The following FAM184B variants were observed in gnomAD, a reference collection of about 807,000 sequenced individuals.
The protein encoded by FAM184B is family with sequence similarity 184 member B, also known as protein FAM184B.
FAM184B carries 111 observed loss-of-function variants against 135.9 expected under a neutral mutation model. The observed-to-expected ratio is 0.82, with a 90% CI of 0.70 to 0.96. FAM184B has a LOEUF of 0.96. Among genes scored for constraint, FAM184B ranks in the 40% least tolerant of loss-of-function variants. FAM184B has a pLI of 0.00. For missense variants in FAM184B, 1,375 were observed against 1,323.9 expected, an observed-to-expected ratio of 1.04 and a Z score of -0.60; for synonymous variants, 552 against 524.8, an observed-to-expected ratio of 1.05 and a Z score of -0.71.
chr4:17,739,990 C>A (rs1206260849), intron 1 of FAM184B, among the ~76,000 whole-genome samples: 1 of 152,094 alleles, frequency 6.6e-6, no homozygotes, highest in Non-Finnish European at 1.5e-5. Context: ...AATAAAAAGT[C>A]CCTCCTTGTT....
chr4:17,661,656 G>C (rs549100011), intron 8 of FAM184B, among the ~76,000 whole-genome samples: 1 of 152,318 alleles, frequency 6.6e-6, no homozygotes, highest in South Asian at 2.1e-4. Context: ...TCAAAGGTGT[G>C]CAAAACATAG....
intron 1 of FAM184B, among the ~76,000 whole-genome samples, chr4:17,711,589 G>A (rs896078852): frequency 1.1e-4 from 17 of 152,272 alleles, no homozygotes; most frequent in African/African-American, 3.9e-4. Context: ...CTTGGGCCAG[G>A]GAGATTGAGG....
rs1716644870 is a variant in FAM184B at position 17,688,508 on chromosome 4, G to T, written c.1512C>A (p.Ile504=). 6.5e-7 allele frequency: 1 copy of T among 1,550,260 alleles called. No homozygotes were observed. Among genetic ancestry groups the T allele is most frequent in the Non-Finnish European group, 8.7e-7 (1 of 1,146,700 alleles). ...CTGTGGGGCGTGTCTTATTTTGTTG[G>T]ATAAATTCTTCCAGCCTTAAAACCT... ...LLEVLRLEEF[I]QQNKTRPTGA... is the part of the protein sequence containing the mutation. The change falls in exon 7 of 18, where the codon ATC becomes ATA. Residue 504 remains isoleucine, a synonymous_variant. Coordinates refer to ENST00000265018, the MANE Select transcript of FAM184B (RefSeq NM_015688.2).
chr4:17,758,558 G>A (rs1464031234), intron 1 of FAM184B, among the ~76,000 whole-genome samples: 1 of 152,110 alleles, frequency 6.6e-6, no homozygotes, highest in Non-Finnish European at 1.5e-5. Flanking sequence ...TTTTTCCAAG[G>A]CAAGAGGAAG....
At chr4:17,698,994 A>ATGTATTCAATTTTTTATACATTTTATT (rs1716925577) in intron 5 of FAM184B, among the ~76,000 whole-genome samples, 1 of 152,136 alleles carries the variant, frequency 6.6e-6, no homozygotes, top group East Asian at 1.9e-4. Flanking sequence ...ACAATGTTAA[A>ATGTATTCAATTTTTTATACATTTTATT]GGAACATTTA....
chr4:17,732,098 C>A (rs1315397016), intron 1 of FAM184B, among the ~76,000 whole-genome samples: 1 of 152,026 alleles, frequency 6.6e-6, no homozygotes, highest in South Asian at 2.1e-4. Flanking sequence ...GGGTACATAA[C>A]GAAATGAAGG....
At chr4:17,747,684 G>A (rs1718196394) in intron 1 of FAM184B, among the ~76,000 whole-genome samples, 1 of 151,934 alleles carries the variant, frequency 6.6e-6, no homozygotes, top group South Asian at 2.1e-4. Flanking sequence ...CACTTTGGGA[G>A]GCCGAGGCGG....
intron 1 of FAM184B, among the ~76,000 whole-genome samples, chr4:17,725,658 A>G (rs759585440): frequency 1.3e-5 from 2 of 152,164 alleles, no homozygotes; most frequent in African/African-American, 4.8e-5. Context: ...ACTAATGGTG[A>G]CAGTCTCCCT....
intron 7 of FAM184B, among the ~76,000 whole-genome samples, chr4:17,685,634 C>G (rs148448170): frequency 6.7e-6 from 1 of 149,162 alleles, no homozygotes; most frequent in Admixed American, 6.7e-5. Context: ...CACTTGTATT[C>G]TGGACTTCTT....
intron 1 of FAM184B, among the ~76,000 whole-genome samples, chr4:17,746,194 G>C (rs965579455): frequency 4.6e-5 from 7 of 151,700 alleles, no homozygotes; most frequent in African/African-American, 1.7e-4. Flanking sequence ...CCTGACCCCA[G>C]GTGATCCGCC....
chr4:17,752,855 G>A (rs1718332753), intron 1 of FAM184B, among the ~76,000 whole-genome samples: 1 of 152,196 alleles, frequency 6.6e-6, no homozygotes, highest in African/African-American at 2.4e-5. Flanking sequence ...AAAATTAGCA[G>A]AACACCAGAG....
At position 17,709,273 on chromosome 4, in the gene FAM184B, G is replaced by T. The variant is rs1202239900; in HGVS notation, c.513C>A (p.Thr171=). 2 of 1,548,288 alleles carry T rather than the reference G, an allele frequency of 1.3e-6. No individual in the cohort carries two copies. The highest frequency in any genetic ancestry group is 2.0e-5 in the Admixed American group (1 of 50,816). The change falls in exon 2 of 18, where the codon ACC becomes ACA. Residue 171 remains threonine (T), a synonymous_variant. Transcript: ENST00000265018. ...TCTCCTGGGGCAGCCGGCCCTGCGGGGTAGCCTCGTGGCTCGTCAGGTGCT... is the reference window on the plus strand; with the variant it reads ...TCTCCTGGGGCAGCCGGCCCTGCGGTGTAGCCTCGTGGCTCGTCAGGTGCT... The part of the protein sequence containing the change: ...RLQHLTSHEA[T]PQGRLPQESP...
At chr4:17,756,711 G>A (rs1029465501) in intron 1 of FAM184B, among the ~76,000 whole-genome samples, 10 of 152,166 alleles carry the variant, frequency 6.6e-5, no homozygotes, top group Non-Finnish European at 8.8e-5. Flanking sequence ...GATCACCTGA[G>A]GTCAGGAGTT....
intron 1 of FAM184B, among the ~76,000 whole-genome samples, chr4:17,717,919 C>A (rs2215267): frequency 0.9 from 137,441 of 152,250 alleles, 63,316 homozygotes; most frequent in Non-Finnish European, 1. Flanking sequence ...GTAATCGCAA[C>A]AAGTAATGGG....
chr4:17,709,742 G>T, intron 1 of FAM184B, 98 bp from the exon 2 acceptor site: 1 of 1,089,444 alleles, frequency 9.2e-7, no homozygotes, highest in Non-Finnish European at 1.2e-6. Flanking sequence ...CGGTTGATCT[G>T]CACAAGTGGC....
intron 1 of FAM184B, among the ~76,000 whole-genome samples, chr4:17,751,829 A>ACACACACACG (rs1718299750): frequency 7.2e-6 from 1 of 138,578 alleles, no homozygotes; most frequent in Non-Finnish European, 1.5e-5. Flanking sequence ...CAAGGCACAC[A>ACACACACACG]CACACACACA....
chr4:17,721,761 C>T (rs1717537814), intron 1 of FAM184B, among the ~76,000 whole-genome samples: 1 of 152,166 alleles, frequency 6.6e-6, no homozygotes, highest in Admixed American at 6.5e-5. Context: ...GGCCCTGCCC[C>T]AGACAGCCTG....
At chr4:17,642,015 G>C (rs966719611) in intron 13 of FAM184B, 41 bp downstream of exon 13, 10 of 1,498,912 alleles carry the variant, frequency 6.7e-6, no homozygotes, top group Non-Finnish European at 8.8e-6. Context: ...CGGGGTAGGG[G>C]GTGAGGGTGG....
chr4:17,647,802 G>C lies in FAM184B; in HGVS notation c.2192-11C>G, dbSNP rs769455279. 2.6e-4 allele frequency: 398 copies of C among 1,546,056 alleles called. 1 individual carries two copies. The highest frequency in any genetic ancestry group is 3.2e-4 in the Non-Finnish European group (370 of 1,145,286). ...CCTGTCTGAGCGACTCTGGAAAAGG[G>C]AGAGCAGCAGTGAGTTAGGCGTTGG... On this transcript the variant is annotated splice_polypyrimidine_tract_variant and intron_variant, in intron 11 of 17. Transcript: ENST00000265018.
Sources: gnomAD v4.1 joint callset for allele counts (sites outside exome capture counted in the v4.1 genomes callset) on GRCh38, gnomAD v4.1.1 for gene constraint, MANE v1.5 for transcripts, NCBI Gene and HGNC (gene_info 2026-07-23, HGNC 2026-07-21) for gene names.